CYP4Z1: variants seen among roughly 807,000 people sequenced by gnomAD.
CYP4Z1 encodes cytochrome P450 4Z1.
Under a neutral mutation model 54.2 loss-of-function variants are expected in CYP4Z1, and 41 were observed. The ratio of observed to expected loss-of-function variants is 0.76; its 90% CI spans 0.59 to 0.98. The LOEUF is 0.98. CYP4Z1 is among the 50% of genes least tolerant of loss of function. The pLI is 0.00. For synonymous variants in CYP4Z1, 163 were observed against 206.2 expected, an observed-to-expected ratio of 0.79 and a Z score of 1.79; for missense variants, 513 against 599.0, an observed-to-expected ratio of 0.86 and a Z score of 1.50.
At chr1:47,088,168 T>A (rs1644611918) in intron 6 of CYP4Z1, among the ~76,000 whole-genome samples, 1 of 152,168 alleles carries the variant, frequency 6.6e-6, no homozygotes, top group South Asian at 2.1e-4. Flanking sequence ...TTTTTTGTTG[T>A]GTCTCTGCCA....
intron 6 of CYP4Z1, among the ~76,000 whole-genome samples, chr1:47,085,940 G>A (rs1255619790): frequency 4.7e-5 from 7 of 148,718 alleles, no homozygotes; most frequent in South Asian, 2.1e-4. Context: ...GAGAACATGC[G>A]GTGTCTGGTT....
intron 6 of CYP4Z1, among the ~76,000 whole-genome samples, chr1:47,091,331 G>T (rs1644636787): frequency 1.4e-5 from 2 of 142,970 alleles, no homozygotes; most frequent in Admixed American, 1.4e-4. Context: ...ATTTTCTTCG[G>T]CTATCTTATT....
chr1:47,116,951 T>C (rs1278645098), intron 11 of CYP4Z1, among the ~76,000 whole-genome samples: 1 of 152,174 alleles, frequency 6.6e-6, no homozygotes, highest in Admixed American at 6.5e-5. Context: ...CCTTGGCATA[T>C]GGGTGTGAAT....
chr1:47,115,714 GAACA>G, intron 10 of CYP4Z1, 121 bp downstream of exon 10: 4 of 932,994 alleles, frequency 4.3e-6, no homozygotes, highest in Non-Finnish European at 6.6e-6. Context: ...GAACAAAACA[GAACA>G]AAAACCCTAT....
At chr1:47,068,392 T>C (rs1316897625) in intron 1 of CYP4Z1, among the ~76,000 whole-genome samples, 6 of 151,954 alleles carry the variant, frequency 3.9e-5, no homozygotes, top group African/African-American at 1.5e-4. Context: ...GACGCTGGAG[T>C]GAGAAGACCA....
At chr1:47,094,419 T>C in intron 6 of CYP4Z1, 147 bp from the exon 7 acceptor site, 2 of 549,496 alleles carry the variant, frequency 3.6e-6, no homozygotes, top group Non-Finnish European at 6.5e-6. Flanking sequence ...AGACAGCTAG[T>C]GGTACTGTCC....
intron 8 of CYP4Z1, among the ~76,000 whole-genome samples, chr1:47,100,283 A>C (rs957842586): frequency 6.6e-5 from 10 of 152,112 alleles, no homozygotes; most frequent in Non-Finnish European, 1.5e-4. Flanking sequence ...GGCTATTCTC[A>C]GGTTTTGTTT....
At chr1:47,103,838 C>T (rs562707336) in intron 8 of CYP4Z1, among the ~76,000 whole-genome samples, 1 of 152,168 alleles carries the variant, frequency 6.6e-6, no homozygotes, top group African/African-American at 2.4e-5. Context: ...TCAGGTTATC[C>T]TCCTGCCTCT....
At chr1:47,113,457 C>T (rs1644807570) in intron 9 of CYP4Z1, among the ~76,000 whole-genome samples, 1 of 152,212 alleles carries the variant, frequency 6.6e-6, no homozygotes, top group African/African-American at 2.4e-5. Context: ...GGACTGTGAG[C>T]TCCTTGAAGG....
chr1:47,062,791 TG>T (rs150540518), upstream of CYP4Z1, among the ~76,000 whole-genome samples: 3,274 of 152,218 alleles, frequency 0.022, 110 homozygotes, highest in African/African-American at 0.075. Context: ...CATAATCACT[TG>T]GGAGCACTAT....
At chr1:47,091,985 C>T (rs1644641507) in intron 6 of CYP4Z1, among the ~76,000 whole-genome samples, 1 of 151,940 alleles carries the variant, frequency 6.6e-6, no homozygotes, top group Non-Finnish European at 1.5e-5. Flanking sequence ...CCAGAATCAC[C>T]CAGGGCTCCC....
chr1:47,088,219 T>C (rs555166581), intron 6 of CYP4Z1, among the ~76,000 whole-genome samples: 4 of 152,266 alleles, frequency 2.6e-5, no homozygotes, highest in Admixed American at 2.0e-4. Flanking sequence ...TAAAATGAGT[T>C]AGGGAGGATT....
the CYP4Z1 span, among the ~76,000 whole-genome samples, chr1:47,060,777 A>G: frequency 4.6e-5 from 7 of 152,192 alleles, no homozygotes; most frequent in Non-Finnish European, 1.0e-4. Flanking sequence ...CATGACACAT[A>G]CTTTTAAATC....
intron 7 of CYP4Z1, among the ~76,000 whole-genome samples, chr1:47,095,204 T>C (rs909745268): frequency 6.6e-6 from 1 of 152,190 alleles, no homozygotes; most frequent in Non-Finnish European, 1.5e-5. Flanking sequence ...GCAGCATTGG[T>C]AAAACCTGGG....
intron 6 of CYP4Z1, among the ~76,000 whole-genome samples, chr1:47,088,730 C>A (rs1177802704): frequency 1.4e-5 from 2 of 138,808 alleles, no homozygotes; most frequent in African/African-American, 5.7e-5. Flanking sequence ...GATCCTCCTG[C>A]CTCAGCCCCC....
chr1:47,096,650 A>G (rs556696147), intron 7 of CYP4Z1: 2 of 129,194 alleles, frequency 1.5e-5, no homozygotes, highest in Non-Finnish European at 3.2e-5. Flanking sequence ...TTTTTTTTTA[A>G]TGGAGCCTCA....
intron 8 of CYP4Z1, among the ~76,000 whole-genome samples, chr1:47,101,928 T>C (rs2148537832): frequency 6.6e-6 from 1 of 152,294 alleles, no homozygotes; most frequent in African/African-American, 2.4e-5. Flanking sequence ...TTGCTTTATA[T>C]ATCTGGGTCC....
At position 47,118,313 on chromosome 1, in the gene CYP4Z1, C is replaced by A. The variant is rs1459647123; in HGVS notation, c.*379C>A. The A allele has an allele frequency of 1.2e-5, 2 of 167,006 alleles. No homozygotes were observed. The highest frequency in any genetic ancestry group is 2.6e-5 in the Non-Finnish European group (2 of 76,766). The allele number at this position is 167,006 out of a possible 1,614,324, so 10.3% of individuals were successfully genotyped here. On this transcript the variant is annotated 3_prime_UTR_variant, in exon 12 of 12. Coordinates refer to ENST00000334194, the MANE Select transcript of CYP4Z1 (RefSeq NM_178134.3). Reference sequence around the variant, plus strand: ...TATCTTTCCCCATAATAAAAAATATCTGCCACCTTCTGAGTCCCATAGTCT... The same window carrying A: ...TATCTTTCCCCATAATAAAAAATATATGCCACCTTCTGAGTCCCATAGTCT...
chr1:47,089,313 G>T (rs1644621079), intron 6 of CYP4Z1, among the ~76,000 whole-genome samples: 1 of 151,814 alleles, frequency 6.6e-6, no homozygotes, highest in East Asian at 1.9e-4. Flanking sequence ...GTTGTGATGG[G>T]TTTTTTTAAT....
Sources: allele counts gnomAD v4.1 joint callset (sites outside exome capture counted in the v4.1 genomes callset), GRCh38; gene constraint gnomAD v4.1.1; transcripts MANE v1.5; gene names NCBI Gene and HGNC (gene_info 2026-07-23, HGNC 2026-07-21).